Variants in ESR1 observed in about 807,000 individuals in gnomAD.
ESR1 encodes estrogen receptor.
A neutral mutation model predicts 52.7 loss-of-function variants in ESR1; 12 were observed. The ratio of observed to expected loss-of-function variants is 0.23; its 90% CI spans 0.15 to 0.37. The LOEUF (loss-of-function observed/expected upper bound fraction) is 0.37. ESR1 is among the 10% of genes least tolerant of loss of function. The pLI, the probability that ESR1 is intolerant of heterozygous loss-of-function variation, is 1.00. For synonymous variants in ESR1, 305 were observed against 316.8 expected (o/e 0.96, Z 0.39); for missense variants, 584 against 779.7 (o/e 0.75, Z 2.99).
intron 2 of ESR1, among the ~76,000 whole-genome samples, chr6:151,859,900 T>C (rs1486671487): frequency 1.3e-5 from 2 of 152,158 alleles, no homozygotes; most frequent in East Asian, 3.9e-4. Flanking sequence ...CAATTGTGAA[T>C]GGCACCCTGG....
chr6:151,885,083 G>A (rs1430809779), intron 3 of ESR1, among the ~76,000 whole-genome samples: 5 of 152,174 alleles, frequency 3.3e-5, no homozygotes, highest in Middle Eastern at 6.8e-3. Context: ...CACAAGGTAG[G>A]TGTTCAAGAA....
In ESR1 at chr6:152,099,741, T is replaced by C. The variant is rs1375898500; in HGVS notation, c.*775T>C. On this transcript the variant is annotated 3_prime_UTR_variant, in exon 8 of 8. Coordinates refer to ENST00000206249, the MANE Select transcript of ESR1 (RefSeq NM_000125.4). Reference sequence around the variant, plus strand: ...AGTTGATCTTAGTTAAGTCTCCCTATATGAGGGATAAGTTCCTGATTTTTG... The same window carrying C: ...AGTTGATCTTAGTTAAGTCTCCCTACATGAGGGATAAGTTCCTGATTTTTG... The C allele has an allele frequency of 3.0e-6, 1 of 329,066 alleles. No individual in the cohort carries two copies. Among genetic ancestry groups the C allele is most frequent in the African/African-American group, 2.1e-5 (1 of 47,520 alleles). 20.4% of individuals were successfully genotyped at this position (329,066 alleles called of 1,614,324 possible).
intron 5 of ESR1, among the ~76,000 whole-genome samples, chr6:152,043,532 C>G (rs141838786): frequency 6.3e-4 from 96 of 152,320 alleles, no homozygotes; most frequent in African/African-American, 2.0e-3. Context: ...AGTTCTATAA[C>G]TATAAGCAAA....
intron 1 of ESR1, among the ~76,000 whole-genome samples, chr6:151,829,389 T>A (rs1489249065): frequency 2.0e-5 from 3 of 152,240 alleles, no homozygotes; most frequent in Non-Finnish European, 2.9e-5. Context: ...GTTTCCTTTC[T>A]CTGTCTGTTT....
At position 152,079,324 on chromosome 6, in the gene ESR1, C is replaced by T. The variant is rs184326447; in HGVS notation, c.1370-15061C>T. ...GCAATATTTGTTGTTCTGCAGCCTC[C>T]GCTGGTGATACCCAGGCAAACAGGG... is the stretch of plus-strand genomic sequence containing the variant. On this transcript the variant is annotated intron_variant, in intron 6 of 7. Transcript: ENST00000206249. 6.8e-3 allele frequency among the ~76,000 whole-genome samples: 1,028 copies of T among 152,240 alleles called. 11 individuals carry two copies. Among genetic ancestry groups the T allele is most frequent in the African/African-American group, 0.023 (947 of 41,532 alleles).
intron 6 of ESR1, among the ~76,000 whole-genome samples, chr6:152,093,381 A>G (rs2050360145): frequency 7.0e-6 from 1 of 143,844 alleles, no homozygotes; most frequent in African/African-American, 2.6e-5. Context: ...ACCCCCCCAC[A>G]CTATCACCTC....
chr6:151,968,260 A>C (rs930083464), intron 4 of ESR1, among the ~76,000 whole-genome samples: 4 of 152,214 alleles, frequency 2.6e-5, no homozygotes, highest in Non-Finnish European at 4.4e-5. Flanking sequence ...CACCTTACAC[A>C]AAAATTAACT....
intron 2 of ESR1, among the ~76,000 whole-genome samples, chr6:151,742,081 C>T (rs568487375): frequency 1.3e-5 from 2 of 152,312 alleles, no homozygotes; most frequent in East Asian, 3.9e-4. Context: ...CTCCACCAGG[C>T]TCATCCATGT....
chr6:151,659,929 T>C (rs368061045), intron 1 of ESR1, among the ~76,000 whole-genome samples: 40 of 152,356 alleles, frequency 2.6e-4, no homozygotes, highest in East Asian at 1.5e-3. Flanking sequence ...ACATTACTAC[T>C]GACAGTTGCT....
intron 4 of ESR1, among the ~76,000 whole-genome samples, chr6:151,967,478 T>C (rs1005579989): frequency 1.3e-5 from 2 of 152,230 alleles, no homozygotes; most frequent in African/African-American, 2.4e-5. Context: ...AATGATGGTT[T>C]CCAACTTCAT....
chr6:151,732,806 G>A (rs1419632962), intron 2 of ESR1, among the ~76,000 whole-genome samples: 2 of 152,090 alleles, frequency 1.3e-5, no homozygotes, highest in African/African-American at 4.8e-5. Flanking sequence ...GCCCCATGAA[G>A]GGTAGTACAA....
rs574650647 is a variant in ESR1 at position 151,714,302 on chromosome 6, T to C, written c.-71+12297T>C. ...AAGTGTGATGTGGTGCTAAGAAGAA[T>C]GTATGTTCTCTTGGTTTGGGGTGGA... On this transcript the variant is annotated intron_variant, in intron 2 of 2. Coordinates refer to the ESR1 transcript ENST00000404742. 2.0e-5 allele frequency among the ~76,000 whole-genome samples: 3 copies of C among 152,314 alleles called. No individual in the cohort carries two copies. In the East Asian group the frequency reaches 5.8e-4, roughly 29 times the overall value.
intron 1 of ESR1, among the ~76,000 whole-genome samples, chr6:151,669,167 A>AGGGAGAG (rs1562319469): frequency 3.1e-5 from 4 of 127,714 alleles, no homozygotes; most frequent in Admixed American, 7.7e-5. Context: ...AGAGAGAGAG[A>AGGGAGAG]GAGAGAGAGA....
chr6:152,052,891 G>A (rs2046799469), intron 5 of ESR1, among the ~76,000 whole-genome samples: 1 of 152,140 alleles, frequency 6.6e-6, no homozygotes. Context: ...TGGACTTGAA[G>A]AGATTGAACA....
chr6:151,965,943 A>C (rs1421502806), intron 4 of ESR1, among the ~76,000 whole-genome samples: 1 of 152,194 alleles, frequency 6.6e-6, no homozygotes, highest in African/African-American at 2.4e-5. Flanking sequence ...GTAATCACAC[A>C]GTGACGCTCA....
intron 2 of ESR1, among the ~76,000 whole-genome samples, chr6:151,761,648 T>C (rs1784667565): frequency 6.6e-6 from 1 of 152,206 alleles, no homozygotes; most frequent in South Asian, 2.1e-4. Context: ...AAACAGTCCA[T>C]CTAGAACAGT....
At chr6:151,986,599 C>G (rs1032633752) in intron 4 of ESR1, among the ~76,000 whole-genome samples, 1 of 152,090 alleles carries the variant, frequency 6.6e-6, no homozygotes, top group African/African-American at 2.4e-5. Context: ...TTTGAAAACT[C>G]ATTAGGTATG....
intron 5 of ESR1, among the ~76,000 whole-genome samples, chr6:152,057,387 A>G (rs781238080): frequency 6.6e-6 from 1 of 152,180 alleles, no homozygotes; most frequent in African/African-American, 2.4e-5. Context: ...TATTATGCAA[A>G]TAGTGGATTC....
At chr6:151,908,449 A>T (rs527303471) in intron 3 of ESR1, among the ~76,000 whole-genome samples, 101 of 152,294 alleles carry the variant, frequency 6.6e-4, no homozygotes, top group African/African-American at 2.1e-3. Flanking sequence ...TGATATTGAA[A>T]TGTCAATAGC....
Sources: gnomAD v4.1 joint callset for allele counts (sites outside exome capture counted in the v4.1 genomes callset) on GRCh38, gnomAD v4.1.1 for gene constraint, MANE v1.5 for transcripts, NCBI Gene and HGNC (gene_info 2026-07-23, HGNC 2026-07-21) for gene names.